The following ROBO2 variants were observed in gnomAD, a reference collection of about 807,000 sequenced individuals.
The protein encoded by ROBO2 is roundabout guidance receptor 2, also known as roundabout homolog 2.
Under a neutral mutation model 160.8 loss-of-function variants are expected in ROBO2, and 53 were observed. That is an observed-to-expected ratio of 0.33 (90% CI 0.26 to 0.41). The LOEUF is 0.41. Among genes scored for constraint, ROBO2 ranks in the 10% least tolerant of loss-of-function variants. ROBO2 has a pLI of 1.00. For missense variants in ROBO2, 1,577 were observed against 1,722.4 expected, an observed-to-expected ratio of 0.92 and a Z score of 1.49; for synonymous variants, 664 against 611.7, an observed-to-expected ratio of 1.09 and a Z score of -1.26.
At position 76,343,168 on chromosome 3, in the gene ROBO2, A is replaced by G. The variant is rs1278025518; in HGVS notation, c.109+405566A>G. ...AATTCAGCTAATATTACAAACCTCT[A>G]CGTATGGTGTGGTATATTTATTGAA... On this transcript the variant is annotated intron_variant, in intron 2 of 26. Coordinates refer to the ROBO2 transcript ENST00000487694. Among the ~76,000 whole-genome samples the G allele has an allele frequency of 2.0e-5, 3 of 152,150 alleles. No individual in the cohort carries two copies. The East Asian group carries it at 5.8e-4, about 30-fold the overall frequency.
chr3:77,449,234 G>A (rs1173197769), intron 2 of ROBO2, among the ~76,000 whole-genome samples: 2 of 151,980 alleles, frequency 1.3e-5, no homozygotes, highest in African/African-American at 2.4e-5. Context: ...TTCATAGAAT[G>A]AAATAAGCAC....
At chr3:77,196,690 C>G (rs561883851) in intron 2 of ROBO2, among the ~76,000 whole-genome samples, 31 of 151,828 alleles carry the variant, frequency 2.0e-4, no homozygotes, top group African/African-American at 7.0e-4. Flanking sequence ...TTAGATAAAT[C>G]TTTATTATTT....
At chr3:76,152,399 A>G (rs1489925241) in intron 2 of ROBO2, among the ~76,000 whole-genome samples, 1 of 152,168 alleles carries the variant, frequency 6.6e-6, no homozygotes, top group Non-Finnish European at 1.5e-5. Context: ...AGATTGATGG[A>G]GTATATAGAA....
chr3:76,484,139 A>G (rs1299460569), intron 2 of ROBO2, among the ~76,000 whole-genome samples: 2 of 152,182 alleles, frequency 1.3e-5, no homozygotes, highest in Non-Finnish European at 2.9e-5. Flanking sequence ...AGGAATCACC[A>G]TTCTGCTTAC....
chr3:77,622,621 A>G (rs1364903754), intron 23 of ROBO2, among the ~76,000 whole-genome samples, 189 bp downstream of exon 24: 2 of 152,248 alleles, frequency 1.3e-5, no homozygotes, highest in Admixed American at 1.3e-4. Flanking sequence ...AAAAATGATA[A>G]GAAAATTCAT....
intron 2 of ROBO2, among the ~76,000 whole-genome samples, chr3:76,444,719 A>T (rs1053466078): frequency 1.3e-5 from 2 of 152,184 alleles, no homozygotes; most frequent in African/African-American, 4.8e-5. Flanking sequence ...TGGAGTTTTT[A>T]TTCAAGATGA....
At chr3:76,520,001 T>C (rs2081521670) in intron 2 of ROBO2, among the ~76,000 whole-genome samples, 1 of 152,158 alleles carries the variant, frequency 6.6e-6, no homozygotes, top group Non-Finnish European at 1.5e-5. Flanking sequence ...AGGGACCCCT[T>C]ATTATCTTAT....
At chr3:77,276,350 C>T (rs1184636019) in intron 2 of ROBO2, among the ~76,000 whole-genome samples, 1 of 152,136 alleles carries the variant, frequency 6.6e-6, no homozygotes, top group Non-Finnish European at 1.5e-5. Flanking sequence ...AATGTTACTA[C>T]TACAGATAAA....
Position 77,557,948 on chromosome 3 carries a change from GAC to G in ROBO2, c.1238_1239del (p.Thr413ArgfsTer2). 6.2e-7 allele frequency: 1 copy of G among 1,612,584 alleles called. No individual in the cohort carries two copies. Among genetic ancestry groups the G allele is most frequent in the Non-Finnish European group, 8.5e-7 (1 of 1,178,988 alleles). On this transcript the variant is annotated frameshift_variant, in exon 9 of 26. Transcript: ENST00000461745. LOFTEE classifies it high-confidence loss of function. ...GAAAAGAGCTTTATTCTTCAGTTTT[GAC>G]AGATAGACCTCCACCTATAATTCTA...
chr3:76,613,414 A>T (rs2088302942), intron 2 of ROBO2, among the ~76,000 whole-genome samples: 1 of 152,150 alleles, frequency 6.6e-6, no homozygotes, highest in Admixed American at 6.6e-5. Flanking sequence ...CAGTTTAAAT[A>T]AAACTCTCAT....
intron 2 of ROBO2, among the ~76,000 whole-genome samples, chr3:76,879,377 C>T (rs78216295): frequency 0.15 from 23,288 of 152,006 alleles, 2,135 homozygotes; most frequent in South Asian, 0.23. Flanking sequence ...CTAACAAGCT[C>T]CCGGGAGAGG....
At chr3:76,191,965 T>G (rs2107183154) in intron 2 of ROBO2, among the ~76,000 whole-genome samples, 1 of 152,166 alleles carries the variant, frequency 6.6e-6, no homozygotes, top group South Asian at 2.1e-4. Context: ...AGTGCTCAAC[T>G]TACCTGTCTT....
At chr3:76,519,131 C>T (rs2081477541) in intron 2 of ROBO2, among the ~76,000 whole-genome samples, 1 of 152,084 alleles carries the variant, frequency 6.6e-6, no homozygotes, top group African/African-American at 2.4e-5. Context: ...ATGAGGAACC[C>T]AGACATGAGG....
intron 2 of ROBO2, among the ~76,000 whole-genome samples, chr3:76,801,168 A>AT (rs1213164613): frequency 6.6e-6 from 1 of 152,202 alleles, no homozygotes. Context: ...CAAACTTTGC[A>AT]TGTTCTCACT....
intron 2 of ROBO2, among the ~76,000 whole-genome samples, chr3:76,328,832 C>G (rs889227327): frequency 5.9e-5 from 9 of 151,462 alleles, no homozygotes; most frequent in South Asian, 2.1e-4. Context: ...GCACTCCAGC[C>G]TGGGCGACAG....
intron 2 of ROBO2, among the ~76,000 whole-genome samples, chr3:75,944,296 A>T (rs1216295915): frequency 1.3e-5 from 2 of 152,188 alleles, no homozygotes; most frequent in Admixed American, 1.3e-4. Flanking sequence ...GAGATTCCAA[A>T]TAGCCTTATG....
At chr3:76,692,976 A>G (rs977749229) in intron 2 of ROBO2, among the ~76,000 whole-genome samples, 12 of 150,002 alleles carry the variant, frequency 8.0e-5, no homozygotes, top group Middle Eastern at 3.7e-3. Context: ...ATATGTATGT[A>G]TATACACATA....
chr3:77,210,504 A>G (rs2083991869), intron 2 of ROBO2, among the ~76,000 whole-genome samples: 1 of 152,192 alleles, frequency 6.6e-6, no homozygotes, highest in African/African-American at 2.4e-5. Flanking sequence ...TATTGACATA[A>G]AAAGTATTCA....
chr3:77,355,544 T>C (rs2068986778), intron 2 of ROBO2, among the ~76,000 whole-genome samples: 1 of 152,086 alleles, frequency 6.6e-6, no homozygotes, highest in Non-Finnish European at 1.5e-5. Context: ...GGTGCTGAGA[T>C]GCGGATTCAG....
Sources: allele counts gnomAD v4.1 joint callset (sites outside exome capture counted in the v4.1 genomes callset), GRCh38; gene constraint gnomAD v4.1.1; transcripts MANE v1.5; gene names NCBI Gene and HGNC (gene_info 2026-07-23, HGNC 2026-07-21).